Variants in LRRC7 observed in about 807,000 individuals in gnomAD.
LRRC7 encodes leucine rich repeat containing 7.
A neutral mutation model predicts 175.7 loss-of-function variants in LRRC7; 23 were observed. The observed-to-expected ratio is 0.13, with a 90% CI of 0.09 to 0.19. The LOEUF is 0.19. Ranked by LOEUF, LRRC7 falls within the 10% of genes least tolerant of loss-of-function variation. The pLI is 1.00. For missense variants in LRRC7, 1,354 were observed against 1,904.7 expected (o/e 0.71, Z 5.38); for synonymous variants, 685 against 680.9 (o/e 1.01, Z -0.09).
intron 10 of LRRC7, among the ~76,000 whole-genome samples, chr1:69,994,140 A>G (rs1389885817): frequency 6.6e-6 from 1 of 152,086 alleles, no homozygotes; most frequent in African/African-American, 2.4e-5. Flanking sequence ...TGATCATTGG[A>G]CTTAATTCAG....
intron 7 of LRRC7, among the ~76,000 whole-genome samples, chr1:69,912,793 C>A (rs577638693): frequency 7.9e-5 from 12 of 152,096 alleles, no homozygotes; most frequent in Non-Finnish European, 1.6e-4. Context: ...TCTAATTAAA[C>A]CCTTCATTAA....
intron 5 of LRRC7, among the ~76,000 whole-genome samples, chr1:69,827,535 AAT>A (rs1460421470): frequency 6.6e-6 from 1 of 152,174 alleles, no homozygotes; most frequent in Non-Finnish European, 1.5e-5. Flanking sequence ...CATGTTTTTA[AAT>A]ATGTTATTTC....
At chr1:70,031,795 T>G (rs1658753031) in intron 18 of LRRC7, among the ~76,000 whole-genome samples, 1 of 152,062 alleles carries the variant, frequency 6.6e-6, no homozygotes, top group South Asian at 2.1e-4. Flanking sequence ...ATTTTCTTTT[T>G]TTTTTTTTTT....
chr1:69,960,298 G>T (rs1650917499), intron 8 of LRRC7, among the ~76,000 whole-genome samples: 1 of 152,062 alleles, frequency 6.6e-6, no homozygotes, highest in Non-Finnish European at 1.5e-5. Flanking sequence ...TCTGATGGTT[G>T]TTTGTATTTC....
At chr1:69,802,941 T>C (rs1195582571) in intron 4 of LRRC7, among the ~76,000 whole-genome samples, 1 of 151,436 alleles carries the variant, frequency 6.6e-6, no homozygotes, top group East Asian at 1.9e-4. Context: ...TTTAATTCAT[T>C]TGCAGTTTAT....
At chr1:69,756,461 G>A (rs1428668487) in intron 2 of LRRC7, among the ~76,000 whole-genome samples, 1 of 151,606 alleles carries the variant, frequency 6.6e-6, no homozygotes, top group African/African-American at 2.4e-5. Flanking sequence ...AAAAATCAAA[G>A]CATATTGTCA....
chr1:69,864,345 TTGGATGAATAGA>T (rs1557826349), intron 7 of LRRC7, among the ~76,000 whole-genome samples: 1 of 152,106 alleles, frequency 6.6e-6, no homozygotes, highest in East Asian at 1.9e-4. Flanking sequence ...GGAAGAATAG[TTGGATGAATAGA>T]TGGATGGAGG....
intron 3 of LRRC7, among the ~76,000 whole-genome samples, chr1:69,790,273 A>G (rs751781709): frequency 3.9e-4 from 60 of 151,996 alleles, no homozygotes; most frequent in East Asian, 3.8e-4. Context: ...ACACACTTCA[A>G]TCTGATTCCA....
intron 2 of LRRC7, among the ~76,000 whole-genome samples, chr1:69,681,219 T>C (rs1266477259): frequency 8.1e-6 from 1 of 123,470 alleles, no homozygotes; most frequent in Admixed American, 7.8e-5. Flanking sequence ...ACAGATTCAG[T>C]ATAGATCTAC....
At chr1:69,865,536 A>G (rs966762688) in intron 7 of LRRC7, among the ~76,000 whole-genome samples, 11 of 122,372 alleles carry the variant, frequency 9.0e-5, no homozygotes, top group African/African-American at 2.9e-4. Context: ...GATGGAGTGC[A>G]GTGGCCCGAT....
intron 2 of LRRC7, among the ~76,000 whole-genome samples, chr1:69,746,491 C>G (rs1020052980): frequency 6.6e-6 from 1 of 151,780 alleles, no homozygotes; most frequent in African/African-American, 2.4e-5. Flanking sequence ...CATTTTTTTA[C>G]CTGTATCTGA....
chr1:69,716,396 A>G (rs1430830120), intron 2 of LRRC7, among the ~76,000 whole-genome samples: 1 of 151,888 alleles, frequency 6.6e-6, no homozygotes, highest in Non-Finnish European at 1.5e-5. Flanking sequence ...TATGAATCTC[A>G]GGAAACTCAT....
At chr1:69,847,644 A>T (rs1682526534) in intron 7 of LRRC7, among the ~76,000 whole-genome samples, 1 of 151,870 alleles carries the variant, frequency 6.6e-6, no homozygotes, top group African/African-American at 2.4e-5. Flanking sequence ...TATCCATCTC[A>T]TTTTCCTCTC....
rs1687057426 is a variant in LRRC7 at position 69,885,247 on chromosome 1, G to T, written c.648-46260G>T. On this transcript the variant is annotated intron_variant, in intron 7 of 26. Transcript: ENST00000651989. ...TTCAGCTGTGAATCCATCTGGTCCT[G>T]GACTCTTTTTGGTTGGTAAACTATT... Among the ~76,000 whole-genome samples, 4 of 137,636 alleles carry T rather than the reference G, an allele frequency of 2.9e-5. No homozygotes were observed. In the South Asian group the frequency reaches 9.8e-4, roughly 34 times the overall value. 90.3% of individuals were successfully genotyped at this position (137,636 alleles called of 152,430 possible). A position where few individuals can be genotyped will look rare whatever the true frequency, so the allele number is the denominator to read the frequency against.
chr1:69,861,190 G>A (rs1684322662), intron 7 of LRRC7, among the ~76,000 whole-genome samples: 1 of 152,060 alleles, frequency 6.6e-6, no homozygotes, highest in South Asian at 2.1e-4. Flanking sequence ...TAGAAAAGTT[G>A]AAAAGGACTG....
At chr1:69,791,613 AAAC>A (rs1291813711) in intron 3 of LRRC7, among the ~76,000 whole-genome samples, 1 of 152,088 alleles carries the variant, frequency 6.6e-6, no homozygotes, top group Non-Finnish European at 1.5e-5. Flanking sequence ...CATATTTGAT[AAAC>A]AACTGTTCAA....
chr1:69,709,010 T>C (rs1057250050), intron 2 of LRRC7, among the ~76,000 whole-genome samples: 1 of 152,208 alleles, frequency 6.6e-6, no homozygotes. Context: ...TATTATCCGA[T>C]CTACTACAAA....
chr1:70,100,162 C>T (rs1441746766), intron 25 of LRRC7, among the ~76,000 whole-genome samples: 2 of 151,928 alleles, frequency 1.3e-5, no homozygotes, highest in African/African-American at 2.4e-5. Context: ...TATAAAGTAA[C>T]CAAAACCAAA....
At chr1:69,907,457 G>A (rs1197756006) in intron 7 of LRRC7, among the ~76,000 whole-genome samples, 2 of 152,078 alleles carry the variant, frequency 1.3e-5, no homozygotes, top group Non-Finnish European at 2.9e-5. Flanking sequence ...TTTATTGAGA[G>A]TTTTTAGCAT....
Sources: gnomAD v4.1 joint callset for allele counts (sites outside exome capture counted in the v4.1 genomes callset) on GRCh38, gnomAD v4.1.1 for gene constraint, MANE v1.5 for transcripts, NCBI Gene and HGNC (gene_info 2026-07-23, HGNC 2026-07-21) for gene names.